Variants in ROBO2 observed in about 807,000 individuals in gnomAD.
ROBO2 encodes the protein roundabout homolog 2.
In ROBO2, 53 loss-of-function variants were observed where a neutral mutation model predicts 160.8. That is an observed-to-expected ratio of 0.33 (90% CI 0.26 to 0.41). The LOEUF is 0.41. Ranked by LOEUF, ROBO2 falls within the 10% of genes least tolerant of loss-of-function variation. The pLI is 1.00. For missense variants in ROBO2, 1,577 were observed against 1,722.4 expected, an observed-to-expected ratio of 0.92 and a Z score of 1.49; for synonymous variants, 664 against 611.7, an observed-to-expected ratio of 1.09 and a Z score of -1.26.
chr3:76,580,328 G>GTTTTTTTTTTTTTTTTT (rs748888426), intron 2 of ROBO2, among the ~76,000 whole-genome samples: 12 of 67,318 alleles, frequency 1.8e-4, no homozygotes, highest in Non-Finnish European at 3.0e-4. Flanking sequence ...TTTTTTTTTT[G>GTTTTTTTTTTTTTTTTT]TTTTTTTTTT....
intron 2 of ROBO2, among the ~76,000 whole-genome samples, chr3:76,626,323 T>A (rs2109357757): frequency 6.6e-6 from 1 of 152,256 alleles, no homozygotes; most frequent in Admixed American, 6.5e-5. Context: ...GGTAGAGATA[T>A]AAACTGGGAA....
chr3:77,096,270 T>A (rs1262551501), intron 1 of ROBO2, among the ~76,000 whole-genome samples: 1 of 152,136 alleles, frequency 6.6e-6, no homozygotes, highest in East Asian at 1.9e-4. Context: ...TATGTCCCCA[T>A]ATATGGTGAT....
chr3:76,098,603 G>C (rs929037428), intron 2 of ROBO2, among the ~76,000 whole-genome samples: 1 of 123,538 alleles, frequency 8.1e-6, no homozygotes, highest in Non-Finnish European at 1.8e-5. Flanking sequence ...TCAATTTAGA[G>C]TTTTTATATT....
intron 2 of ROBO2, among the ~76,000 whole-genome samples, chr3:77,325,228 A>G (rs1418062426): frequency 6.6e-6 from 1 of 152,208 alleles, no homozygotes; most frequent in Admixed American, 6.5e-5. Context: ...TTGTGCCTAC[A>G]GAGGAAAGAA....
At chr3:76,443,431 AC>A in intron 2 of ROBO2, among the ~76,000 whole-genome samples, 1 of 152,258 alleles carries the variant, frequency 6.6e-6, no homozygotes, top group Non-Finnish European at 1.5e-5. Context: ...CCCTGAGTAT[AC>A]GTAGGGACTA....
chr3:76,754,220 A>C (rs1168226718), intron 2 of ROBO2, among the ~76,000 whole-genome samples: 1 of 151,926 alleles, frequency 6.6e-6, no homozygotes, highest in African/African-American at 2.4e-5. Context: ...AAAATTCAAA[A>C]AAAGAAAATG....
chr3:76,893,278 G>GA (rs564608209), intron 2 of ROBO2, among the ~76,000 whole-genome samples: 2,699 of 141,294 alleles, frequency 0.019, 35 homozygotes, highest in African/African-American at 0.034. Context: ...GATAAAACAA[G>GA]AAAAAAAAAA....
chr3:76,187,067 T>TAAAA (rs5850236), intron 2 of ROBO2, among the ~76,000 whole-genome samples: 1 of 150,410 alleles, frequency 6.6e-6, no homozygotes. Context: ...TTTCAAGACT[T>TAAAA]AAAAAAAAAA....
At chr3:76,143,657 TC>T (rs1577037034) in intron 2 of ROBO2, among the ~76,000 whole-genome samples, 1 of 151,768 alleles carries the variant, frequency 6.6e-6, no homozygotes, top group East Asian at 1.9e-4. Context: ...CTAAAACCAC[TC>T]CCCAAATCTG....
intron 2 of ROBO2, among the ~76,000 whole-genome samples, chr3:76,734,859 T>A (rs546370457): frequency 6.6e-6 from 1 of 152,230 alleles, no homozygotes; most frequent in Non-Finnish European, 1.5e-5. Context: ...AAACTCTTGA[T>A]TGAATTCATC....
At chr3:76,764,295 A>G (rs1174024448) in intron 2 of ROBO2, among the ~76,000 whole-genome samples, 1 of 151,720 alleles carries the variant, frequency 6.6e-6, no homozygotes, top group Admixed American at 6.6e-5. Context: ...CATTTGTTTC[A>G]TGTAAGCATT....
chr3:76,556,306 A>G (rs904415814), intron 2 of ROBO2, among the ~76,000 whole-genome samples: 4 of 152,192 alleles, frequency 2.6e-5, no homozygotes, highest in African/African-American at 9.7e-5. Flanking sequence ...GAGGGAAGGA[A>G]AATATGTTTC....
chr3:76,353,635 C>G (rs1291576671), intron 2 of ROBO2, among the ~76,000 whole-genome samples: 3 of 151,758 alleles, frequency 2.0e-5, no homozygotes, highest in African/African-American at 7.3e-5. Flanking sequence ...CCTTTTTGTT[C>G]AGAAATGTTT....
intron 2 of ROBO2, among the ~76,000 whole-genome samples, chr3:76,114,657 T>C: frequency 6.6e-6 from 1 of 152,116 alleles, no homozygotes. Flanking sequence ...CAAGCTGAAG[T>C]TAAGACTCAT....
At chr3:76,371,974 T>A (rs2076125836) in intron 2 of ROBO2, among the ~76,000 whole-genome samples, 1 of 151,828 alleles carries the variant, frequency 6.6e-6, no homozygotes, top group Admixed American at 6.6e-5. Flanking sequence ...AAAAGAGTGT[T>A]CCCCTACTTG....
chr3:76,475,422 T>G (rs1408840686), intron 2 of ROBO2, among the ~76,000 whole-genome samples: 2 of 152,128 alleles, frequency 1.3e-5, no homozygotes, highest in African/African-American at 4.8e-5. Flanking sequence ...GATGTTGGAT[T>G]TTATTCTGAG....
At chr3:77,389,209 G>T (rs1187846080) in intron 2 of ROBO2, among the ~76,000 whole-genome samples, 2 of 152,296 alleles carry the variant, frequency 1.3e-5, no homozygotes, top group African/African-American at 4.8e-5. Context: ...CTCCCAAAGT[G>T]CTGGGATTAC....
At chr3:76,656,125 T>C (rs1384352062) in intron 2 of ROBO2, among the ~76,000 whole-genome samples, 1 of 152,116 alleles carries the variant, frequency 6.6e-6, no homozygotes, top group Non-Finnish European at 1.5e-5. Context: ...AAAATGTATA[T>C]AATAAGTTGC....
At chr3:77,211,294 G>A (rs905818949) in intron 2 of ROBO2, among the ~76,000 whole-genome samples, 1 of 152,190 alleles carries the variant, frequency 6.6e-6, no homozygotes, top group Admixed American at 6.5e-5. Flanking sequence ...ACTGGTGTGC[G>A]ATGGTATCTC....
Sources: allele counts gnomAD v4.1 joint callset (sites outside exome capture counted in the v4.1 genomes callset), GRCh38; gene constraint gnomAD v4.1.1; transcripts MANE v1.5; gene names NCBI Gene and HGNC (gene_info 2026-07-23, HGNC 2026-07-21).